The following ATP8A2 variants were observed in gnomAD, a reference collection of about 807,000 sequenced individuals.
ATP8A2 encodes the protein ATPase phospholipid transporting 8A2, also known as phospholipid-transporting ATPase IB.
In ATP8A2, 100 loss-of-function variants were observed where a neutral mutation model predicts 165.6. The observed-to-expected ratio is 0.60, with a 90% CI of 0.51 to 0.71. The LOEUF (loss-of-function observed/expected upper bound fraction) is 0.71. Ranked by LOEUF, ATP8A2 falls within the 30% of genes least tolerant of loss-of-function variation. The probability of loss-of-function intolerance (pLI) is 0.00; values close to 1 mark genes in which losing one functional copy is unlikely to be tolerated. For synonymous variants in ATP8A2, 543 were observed against 548.8 expected (o/e 0.99, Z 0.15); for missense variants, 1,227 against 1,479.5 (o/e 0.83, Z 2.80).
chr13:25,444,635 G>GTTT (rs879360153), intron 1 of ATP8A2, among the ~76,000 whole-genome samples: 5 of 143,888 alleles, frequency 3.5e-5, no homozygotes, highest in African/African-American at 7.6e-5. Flanking sequence ...TCAAGCATCT[G>GTTT]TTTTTTTTTT....
chr13:25,712,818 G>A (rs2043182584), intron 25 of ATP8A2, among the ~76,000 whole-genome samples: 1 of 152,168 alleles, frequency 6.6e-6, no homozygotes, highest in Admixed American at 6.5e-5. Context: ...GGGATGATGG[G>A]TGGGGAGAAT....
intron 25 of ATP8A2, among the ~76,000 whole-genome samples, chr13:25,734,929 A>G (rs1218629987): frequency 1.3e-5 from 2 of 152,122 alleles, no homozygotes; most frequent in South Asian, 2.1e-4. Context: ...GTGAGCTACC[A>G]TGCCTGGCCG....
chr13:25,587,740 A>G (rs1428173103), intron 23 of ATP8A2, among the ~76,000 whole-genome samples: 1 of 151,904 alleles, frequency 6.6e-6, no homozygotes, highest in Non-Finnish European at 1.5e-5. Flanking sequence ...AAGTGAAAAG[A>G]AAATGTAGAT....
At chr13:25,553,949 A>G (rs753478719) in intron 12 of ATP8A2, 29 bp downstream of exon 12, 3 of 1,596,300 alleles carry the variant, frequency 1.9e-6, no homozygotes, top group Non-Finnish European at 2.6e-6. Flanking sequence ...TTGAATCACT[A>G]TTTTCCAATG....
Position 25,664,958 on chromosome 13 carries a change from T to C in ATP8A2, c.2212-34215T>C, listed in dbSNP as rs1386905653. On this transcript the variant is annotated intron_variant, in intron 24 of 36. Coordinates refer to ENST00000381655, the MANE Select transcript of ATP8A2 (RefSeq NM_016529.6). ...AAGATCTACACTTGGGTCCAGAATG[T>C]TATAGAATTAAGAAAATAACTTTCT... 3.9e-5 allele frequency among the ~76,000 whole-genome samples: 6 copies of C among 151,924 alleles called. No homozygotes were observed. In the South Asian group the frequency reaches 6.2e-4, roughly 16 times the overall value.
At chr13:25,686,755 C>T (rs917139232) in intron 24 of ATP8A2, among the ~76,000 whole-genome samples, 3 of 152,210 alleles carry the variant, frequency 2.0e-5, no homozygotes, top group African/African-American at 7.2e-5. Context: ...AACTGGTCTA[C>T]TTCCACCCTC....
At chr13:25,379,240 A>G (rs566880370) in intron 1 of ATP8A2, among the ~76,000 whole-genome samples, 2 of 152,352 alleles carry the variant, frequency 1.3e-5, no homozygotes, top group African/African-American at 4.8e-5. Context: ...CTCTAGAGAT[A>G]CTGTGTAAGC....
At chr13:25,840,481 T>G (rs2138663652) in intron 30 of ATP8A2, among the ~76,000 whole-genome samples, 1 of 150,596 alleles carries the variant, frequency 6.6e-6, no homozygotes, top group East Asian at 1.9e-4. Context: ...ACAGAGAAAA[T>G]GCATGCACTG....
chr13:25,998,875 C>G (rs897078952), intron 35 of ATP8A2, among the ~76,000 whole-genome samples: 1 of 152,204 alleles, frequency 6.6e-6, no homozygotes, highest in African/African-American at 2.4e-5. Context: ...TCCACAAACA[C>G]TGCTCACAAT....
chr13:25,396,132 ACG>A (rs2033416523), intron 1 of ATP8A2, among the ~76,000 whole-genome samples: 1 of 152,086 alleles, frequency 6.6e-6, no homozygotes, highest in Admixed American at 6.5e-5. Flanking sequence ...GTGAGCCACC[ACG>A]CCCAGCCCTG....
intron 20 of ATP8A2, 112 bp downstream of exon 20, chr13:25,577,250 A>C: frequency 1.1e-6 from 1 of 940,378 alleles, no homozygotes; most frequent in South Asian, 1.4e-5. Flanking sequence ...CAGAGTTGAA[A>C]GACTGTTTCA....
intron 35 of ATP8A2, among the ~76,000 whole-genome samples, chr13:25,975,244 G>T (rs964673642): frequency 2.0e-5 from 3 of 152,138 alleles, no homozygotes; most frequent in Non-Finnish European, 4.4e-5. Flanking sequence ...CTGTGCTGAT[G>T]GCAGCCTGAG....
chr13:25,536,278 ATTT>A (rs5802338), intron 6 of ATP8A2, among the ~76,000 whole-genome samples: 17 of 141,838 alleles, frequency 1.2e-4, no homozygotes, highest in African/African-American at 1.6e-4. Flanking sequence ...TGCCCGGTTA[ATTT>A]TTTTTTTTTT....
intron 33 of ATP8A2, among the ~76,000 whole-genome samples, chr13:25,943,222 C>T (rs563900263): frequency 7.2e-5 from 11 of 152,296 alleles, no homozygotes. Context: ...TCAGCCGTTG[C>T]AAGCTTGAAA....
chr13:25,921,275 C>T (rs1954445072), intron 33 of ATP8A2, among the ~76,000 whole-genome samples: 1 of 152,032 alleles, frequency 6.6e-6, no homozygotes, highest in South Asian at 2.1e-4. Context: ...GAGTACATAT[C>T]ATGGACTCTT....
chr13:25,756,775 A>C (rs1422537016), intron 25 of ATP8A2, among the ~76,000 whole-genome samples: 1 of 152,246 alleles, frequency 6.6e-6, no homozygotes, highest in Non-Finnish European at 1.5e-5. Flanking sequence ...GGTATGTGCG[A>C]AATCAGCACT....
At chr13:25,871,865 G>A (rs1344350816) in intron 33 of ATP8A2, among the ~76,000 whole-genome samples, 3 of 152,138 alleles carry the variant, frequency 2.0e-5, no homozygotes, top group African/African-American at 7.2e-5. Context: ...CTTTTTTAGT[G>A]ACTGAAACCT....
At chr13:25,881,685 T>C (rs1952984340) in intron 33 of ATP8A2, among the ~76,000 whole-genome samples, 2 of 152,186 alleles carry the variant, frequency 1.3e-5, no homozygotes, top group African/African-American at 4.8e-5. Flanking sequence ...ACCATTTGCC[T>C]GTGGGTACTC....
chr13:25,845,992 AT>A (rs1427448835), intron 30 of ATP8A2, among the ~76,000 whole-genome samples: 1 of 152,206 alleles, frequency 6.6e-6, no homozygotes, highest in Non-Finnish European at 1.5e-5. Context: ...CCTGACCAAC[AT>A]GGTGAAACCC....
Sources: gnomAD v4.1 joint callset for allele counts (sites outside exome capture counted in the v4.1 genomes callset) on GRCh38, gnomAD v4.1.1 for gene constraint, MANE v1.5 for transcripts, NCBI Gene and HGNC (gene_info 2026-07-23, HGNC 2026-07-21) for gene names.